Variants in HIPK2 observed in about 807,000 individuals in gnomAD.
HIPK2 encodes the protein homeodomain interacting protein kinase 2.
Under a neutral mutation model 113.7 loss-of-function variants are expected in HIPK2, and 27 were observed. The observed-to-expected ratio is 0.24, with a 90% confidence interval of 0.17 to 0.33. The LOEUF (loss-of-function observed/expected upper bound fraction) is 0.33, where lower values mean the gene tolerates loss of function less well. Among genes scored for constraint, HIPK2 ranks in the 10% least tolerant of loss-of-function variants. The pLI is 1.00. For missense variants in HIPK2, 1,257 were observed against 1,588.0 expected (o/e 0.79, Z 3.54); for synonymous variants, 631 against 642.2 (o/e 0.98, Z 0.26).
At chr7:139,624,702 C>T (rs985043931) in intron 6 of HIPK2, among the ~76,000 whole-genome samples, 2 of 152,174 alleles carry the variant, frequency 1.3e-5, no homozygotes, top group African/African-American at 4.8e-5. Flanking sequence ...TGGGCAAAGT[C>T]TCCAATAGAC....
chr7:139,689,488 C>T (rs1411454122), intron 2 of HIPK2, among the ~76,000 whole-genome samples: 3 of 152,240 alleles, frequency 2.0e-5, no homozygotes, highest in African/African-American at 7.2e-5. Context: ...TACTTTCACA[C>T]AACATCATTT....
intron 10 of HIPK2, among the ~76,000 whole-genome samples, chr7:139,601,767 C>T (rs1799432558): frequency 6.6e-6 from 1 of 152,022 alleles, no homozygotes; most frequent in Non-Finnish European, 1.5e-5. Context: ...GCTCATTTAA[C>T]ACATAATAAA....
intron 2 of HIPK2, among the ~76,000 whole-genome samples, chr7:139,668,444 T>C (rs112288696): frequency 0.21 from 32,298 of 151,260 alleles, 3,780 homozygotes; most frequent in East Asian, 0.41. Context: ...TGCCTGTAGT[T>C]CCAGCTACTC....
chr7:139,570,852 T>C lies in HIPK2; in HGVS notation c.*2075A>G, dbSNP rs1463269014. ...GAAGCAAACAATTAGAACCACCCTT[T>C]TCGGCCCCATCCTTGGCCAGATTCT... On this transcript the variant is annotated 3_prime_UTR_variant, in exon 15 of 15. Coordinates refer to ENST00000406875, the MANE Select transcript of HIPK2 (RefSeq NM_022740.5). 1.3e-5 allele frequency: 2 copies of C among 152,208 alleles called. No homozygotes were observed. Among genetic ancestry groups the C allele is most frequent in the South Asian group, 2.1e-4 (1 of 4,828 alleles). 9.4% of individuals were successfully genotyped at this position (152,208 alleles called of 1,614,324 possible).
At chr7:139,736,664 A>T (rs1485565733) in intron 1 of HIPK2, among the ~76,000 whole-genome samples, 1 of 152,214 alleles carries the variant, frequency 6.6e-6, no homozygotes, top group Non-Finnish European at 1.5e-5. Context: ...ATCGAATAAC[A>T]TAAAAACTTA....
intron 2 of HIPK2, among the ~76,000 whole-genome samples, chr7:139,668,440 T>C (rs528071552): frequency 2.6e-5 from 4 of 151,894 alleles, no homozygotes; most frequent in Non-Finnish European, 5.9e-5. Context: ...TGTGTGCCTG[T>C]AGTTCCAGCT....
Position 139,596,731 on chromosome 7 carries a change from T to C in HIPK2, c.2703A>G (p.Lys901=). Reference sequence around the variant, plus strand: ...CACTGCCTCACCTGGTGGGGGCGTGTTTCTGTTCCTCCTCCTCGTCCGTGT... The same window carrying C: ...CACTGCCTCACCTGGTGGGGGCGTGCTTCTGTTCCTCCTCCTCGTCCGTGT... ...SSDTDEEEEQ[K]HAPTSTVSKQ... Residue 901 remains lysine, a synonymous_variant, in exon 12 of 15, where the codon AAA becomes AAG. Transcript: ENST00000406875. The C allele has an allele frequency of 6.2e-7, 1 of 1,610,762 alleles. No individual in the cohort carries two copies. Among genetic ancestry groups the C allele is most frequent in the East Asian group, 2.2e-5 (1 of 44,752 alleles).
rs372251122 is a variant in HIPK2 at position 139,616,745 on chromosome 7, T to C, written c.1783-2252A>G. Among the ~76,000 whole-genome samples the C allele has an allele frequency of 3.3e-4, 51 of 152,378 alleles. No individual in the cohort carries two copies. In the South Asian group the frequency reaches 0.01, roughly 31 times the overall value. ...TCTGCCTTACAGTACAGTTGGTCTT[T>C]CCAGCCTAAAGTCTCCTGGGAGGGA... On this transcript the variant is annotated intron_variant, in intron 7 of 14. Coordinates refer to ENST00000406875, the MANE Select transcript of HIPK2 (RefSeq NM_022740.5).
intron 1 of HIPK2, among the ~76,000 whole-genome samples, chr7:139,760,095 C>T (rs4726458): frequency 0.12 from 18,846 of 151,706 alleles, 2,075 homozygotes; most frequent in Admixed American, 0.27. Flanking sequence ...CTCCACCTCC[C>T]AGGTTCACGC....
At position 139,563,217 on chromosome 7, in the gene HIPK2, G is replaced by C. The variant is rs557611940; in HGVS notation, c.*9710C>G. 1.3e-5 allele frequency: 2 copies of C among 152,718 alleles called. No individual in the cohort carries two copies. The highest frequency in any genetic ancestry group is 3.9e-4 in the East Asian group (2 of 5,190). The allele number at this position is 152,718 out of a possible 1,614,324, so 9.5% of individuals were successfully genotyped here. The stretch of plus-strand genomic sequence containing the variant: ...GGTCAAGTCACTTTCTACTTCCCAA[G>C]TTCCTCCTTATAACCTGAGCCAAAC... On this transcript the variant is annotated 3_prime_UTR_variant, in exon 15 of 15. Transcript: ENST00000406875.
At chr7:139,642,843 C>T (rs991864608) in intron 2 of HIPK2, among the ~76,000 whole-genome samples, 18 of 152,186 alleles carry the variant, frequency 1.2e-4, no homozygotes, top group Admixed American at 9.2e-4. Flanking sequence ...AGCCAAACAC[C>T]GTGGACCCCA....
chr7:139,749,209 C>A (rs73158622), intron 1 of HIPK2, among the ~76,000 whole-genome samples: 6,379 of 152,330 alleles, frequency 0.042, 179 homozygotes, highest in Non-Finnish European at 0.059. Flanking sequence ...TACTGCTGGA[C>A]GGTCACTGTC....
intron 1 of HIPK2, among the ~76,000 whole-genome samples, chr7:139,740,283 A>C (rs763462466): frequency 6.6e-6 from 1 of 152,188 alleles, no homozygotes; most frequent in Non-Finnish European, 1.5e-5. Context: ...AATAAATTAG[A>C]GAAGCTGTGA....
At chr7:139,634,895 C>T (rs1245050067) in intron 2 of HIPK2, among the ~76,000 whole-genome samples, 1 of 152,044 alleles carries the variant, frequency 6.6e-6, no homozygotes, top group Non-Finnish European at 1.5e-5. Context: ...CCAGGCTGGT[C>T]TCAAGCTCCT....
chr7:139,683,024 GAA>G lies in HIPK2; in HGVS notation c.1103+32906_1103+32907del, dbSNP rs1196313261. On this transcript the variant is annotated intron_variant, in intron 2 of 14. Transcript: ENST00000406875. This position sits in a 1 kb window ranked among gnomAD's most constrained non-coding sequence, Gnocchi z 4.2. The stretch of plus-strand genomic sequence containing the variant: ...AAGAACCAGACTTTCTGGTGGGAGA[GAA>G]AGGAGAATGTGTGTTCTCTCTTAAA... 6.6e-6 allele frequency among the ~76,000 whole-genome samples: 1 copy of G among 152,186 alleles called. No individual in the cohort carries two copies. The highest frequency in any genetic ancestry group is 1.9e-4 in the East Asian group (1 of 5,184).
chr7:139,675,787 G>A (rs1802477055), intron 2 of HIPK2, among the ~76,000 whole-genome samples: 1 of 152,188 alleles, frequency 6.6e-6, no homozygotes, highest in Non-Finnish European at 1.5e-5. Flanking sequence ...GGGACTGGGA[G>A]AAGGACAAGG....
intron 2 of HIPK2, among the ~76,000 whole-genome samples, chr7:139,670,253 G>C (rs549732894): frequency 6.6e-6 from 1 of 152,222 alleles, no homozygotes; most frequent in East Asian, 1.9e-4. Flanking sequence ...ATTCTGAATT[G>C]AGATTCTGGA....
chr7:139,681,589 C>T (rs1802701394), intron 2 of HIPK2, among the ~76,000 whole-genome samples: 2 of 152,120 alleles, frequency 1.3e-5, no homozygotes, highest in African/African-American at 4.8e-5. Flanking sequence ...CTCAACATCA[C>T]CTGAGAACAA....
At chr7:139,649,441 C>T (rs1258012045) in intron 2 of HIPK2, among the ~76,000 whole-genome samples, 1 of 152,212 alleles carries the variant, frequency 6.6e-6, no homozygotes, top group African/African-American at 2.4e-5. Flanking sequence ...GGAAAACACA[C>T]TGGGGCACCT....
Sources: allele counts gnomAD v4.1 joint callset (sites outside exome capture counted in the v4.1 genomes callset), GRCh38; gene constraint gnomAD v4.1.1; non-coding constraint Gnocchi (gnomAD v3.1); transcripts MANE v1.5; gene names NCBI Gene and HGNC (gene_info 2026-07-23, HGNC 2026-07-21).